Variants in PTER observed in about 807,000 individuals in gnomAD.
The protein encoded by PTER is phosphotriesterase related, also known as N-acetyltaurine hydrolase.
Under a neutral mutation model 29.6 loss-of-function variants are expected in PTER, and 38 were observed. That is an observed-to-expected ratio of 1.28 (90% CI 0.99 to 1.68). PTER has a LOEUF of 1.68. Among genes scored for constraint, PTER ranks in the 40% most tolerant of loss-of-function variants. The pLI is 0.00. For synonymous variants in PTER, 172 were observed against 154.5 expected, an observed-to-expected ratio of 1.11 and a Z score of -0.84; for missense variants, 482 against 427.8, an observed-to-expected ratio of 1.13 and a Z score of -1.12.
intron 1 of PTER, among the ~76,000 whole-genome samples, chr10:16,460,765 G>A (rs910213814): frequency 2.0e-5 from 3 of 151,936 alleles, no homozygotes; most frequent in African/African-American, 7.3e-5. Flanking sequence ...TTTAAATAGA[G>A]TCTCACTCTG....
chr10:16,475,075 C>G (rs1835210114), intron 1 of PTER, among the ~76,000 whole-genome samples: 1 of 152,018 alleles, frequency 6.6e-6, no homozygotes. Flanking sequence ...GGGACTAATT[C>G]CATTTATGAA....
chr10:16,484,697 CGAGACACACA>C lies in PTER; in HGVS notation c.316_325del (p.Asp106ArgfsTer2), dbSNP rs758469272. On this transcript the variant is annotated frameshift_variant, in exon 2 of 5. Transcript: ENST00000535784. LOFTEE classifies it high-confidence loss of function. ...GGAAAACACAACCACTGGGATTAGC[CGAGACACACA>C]GACGTTGAAGAGGCTTGCAGAAGAG... 1 of 1,613,964 alleles carries C rather than the reference CGAGACACACA, an allele frequency of 6.2e-7. No individual in the cohort carries two copies. Among genetic ancestry groups the C allele is most frequent in the South Asian group, 1.1e-5 (1 of 91,076 alleles).
At chr10:16,451,674 T>A (rs1834213869) in intron 1 of PTER, among the ~76,000 whole-genome samples, 1 of 152,170 alleles carries the variant, frequency 6.6e-6, no homozygotes, top group South Asian at 2.1e-4. Context: ...ATTGTGCCAC[T>A]GCACTCCAGC....
intron 3 of PTER, among the ~76,000 whole-genome samples, chr10:16,488,981 A>G (rs1316983337): frequency 6.6e-6 from 1 of 152,158 alleles, no homozygotes; most frequent in African/African-American, 2.4e-5. Flanking sequence ...TGTTTCTGAA[A>G]AGCCTCAGCC....
chr10:16,451,073 G>A (rs1265486728), intron 1 of PTER, among the ~76,000 whole-genome samples: 1 of 152,188 alleles, frequency 6.6e-6, no homozygotes, highest in African/African-American at 2.4e-5. Context: ...AGGCCCAAGA[G>A]CCCCTGGTAA....
Position 16,484,330 on chromosome 10 carries a change from T to G in PTER, c.-48-7T>G. On this transcript the variant is annotated splice_region_variant and splice_polypyrimidine_tract_variant and intron_variant, in intron 1 of 4. Transcript: ENST00000535784. ...TTGTAGTTGTTTGTTTGTTTGTTTG[T>G]TTTTAGAAAAAAGAAATCCTCTTTT... The G allele has an allele frequency of 6.8e-7, 1 of 1,460,012 alleles. No individual in the cohort carries two copies. The highest frequency in any genetic ancestry group is 2.3e-5 in the Admixed American group (1 of 44,174). The allele number at this position is 1,460,012 out of a possible 1,614,324, so 90.4% of individuals were successfully genotyped here. A position where few individuals can be genotyped will look rare whatever the true frequency, so the allele number is the denominator to read the frequency against.
chr10:16,475,042 C>T (rs1835209085), intron 1 of PTER, among the ~76,000 whole-genome samples: 1 of 152,090 alleles, frequency 6.6e-6, no homozygotes, highest in Admixed American at 6.6e-5. Flanking sequence ...AAGGAGGAAG[C>T]TCTTTGGGGT....
rs762863821 is a variant in PTER at position 16,484,430 on chromosome 10, G to C, written c.46G>C (p.Glu16Gln). The change falls in exon 2 of 5, where the codon GAG becomes CAG. Residue 16 changes from glutamate (E) to glutamine (Q), a missense_variant. By Grantham distance (29) the Glu-to-Gln change is conservative. Transcript: ENST00000535784. ...AGTCCAAACCGTTTTGGGCCTTGTA[G>C]AGCCAAGCAAACTGGGCCGTACCCT... ...GKVQTVLGLV[E>Q]PSKLGRTLTH... 20 of 1,612,264 alleles carry C rather than the reference G, an allele frequency of 1.2e-5. No individual in the cohort carries two copies. The South Asian group carries it at 2.1e-4, about 17-fold the overall frequency.
intron 3 of PTER, among the ~76,000 whole-genome samples, chr10:16,498,675 T>C (rs1288037054): frequency 6.6e-6 from 1 of 152,228 alleles, no homozygotes; most frequent in African/African-American, 2.4e-5. Flanking sequence ...TCCACTCTTC[T>C]AAGATGTGCT....
chr10:16,456,368 C>T lies in PTER; in HGVS notation c.-49+19321C>T, dbSNP rs1017853351. On this transcript the variant is annotated intron_variant, in intron 1 of 4. Transcript: ENST00000535784. ...TTCTGTAGTTCTCCTGTGGTGTCCC[C>T]AGAGAATGCCAGGAGATTAGAGGCC... Among the ~76,000 whole-genome samples, 8 of 152,270 alleles carry T rather than the reference C, an allele frequency of 5.3e-5. No homozygotes were observed. In the East Asian group the frequency reaches 1.5e-3, roughly 29 times the overall value.
At chr10:16,514,265 A>G, downstream of PTER, 1 of 546,202 alleles carries the variant, frequency 1.8e-6, no homozygotes, top group East Asian at 2.9e-5. Context: ...TGTGATCTAT[A>G]TAGGACTTCA....
chr10:16,499,736 C>G (rs1218853340), intron 3 of PTER, among the ~76,000 whole-genome samples: 1 of 151,988 alleles, frequency 6.6e-6, no homozygotes, highest in Non-Finnish European at 1.5e-5. Context: ...GAGCCACTGT[C>G]TGCAGCTGAA....
At chr10:16,506,585 A>G (rs529735944) in intron 4 of PTER, among the ~76,000 whole-genome samples, 30 of 152,308 alleles carry the variant, frequency 2.0e-4, no homozygotes, top group Non-Finnish European at 2.9e-4. Context: ...CAACAAATAG[A>G]TGGAATCTGG....
chr10:16,467,351 G>A (rs1161831106), intron 1 of PTER, among the ~76,000 whole-genome samples: 1 of 152,010 alleles, frequency 6.6e-6, no homozygotes, highest in Non-Finnish European at 1.5e-5. Context: ...TATCTACAGG[G>A]TTAGGTACTA....
rs915256104 is a variant in PTER, at chr10:16,454,645, C to T, written c.-49+17598C>T. Among the ~76,000 whole-genome samples, 16 of 150,986 alleles carry T rather than the reference C, an allele frequency of 1.1e-4. No individual in the cohort carries two copies. In the East Asian group the frequency reaches 2.0e-3, roughly 18 times the overall value. ...AGGAATTATTTGTGTTTCTAATATA[C>T]GTGAACAAGAGAGAAAAACATATTT... is the stretch of plus-strand genomic sequence containing the variant. On this transcript the variant is annotated intron_variant, in intron 1 of 4. Transcript: ENST00000535784.
At chr10:16,518,265 C>T (rs1836983778), downstream of PTER, among the ~76,000 whole-genome samples, 1 of 152,112 alleles carries the variant, frequency 6.6e-6, no homozygotes, top group African/African-American at 2.4e-5. Context: ...AGATAAAATT[C>T]CTTAACTGTA....
chr10:16,482,595 G>A (rs6602125), intron 1 of PTER, among the ~76,000 whole-genome samples: 3,068 of 152,238 alleles, frequency 0.02, 108 homozygotes, highest in African/African-American at 0.069. Context: ...GGATATGGGG[G>A]AAATGATGAC....
chr10:16,452,460 C>T (rs1221391612), intron 1 of PTER, among the ~76,000 whole-genome samples: 1 of 151,760 alleles, frequency 6.6e-6, no homozygotes. Context: ...CCACGCTCAG[C>T]TCAGCTAATT....
At chr10:16,441,664 A>G (rs1390807187) in intron 1 of PTER, among the ~76,000 whole-genome samples, 1 of 152,186 alleles carries the variant, frequency 6.6e-6, no homozygotes, top group Non-Finnish European at 1.5e-5. Flanking sequence ...GATGATGATA[A>G]ATTGCTTGGA....
Sources: allele counts gnomAD v4.1 joint callset (sites outside exome capture counted in the v4.1 genomes callset), GRCh38; gene constraint gnomAD v4.1.1; transcripts MANE v1.5; gene names NCBI Gene and HGNC (gene_info 2026-07-23, HGNC 2026-07-21).